PDE3B: variants seen among roughly 807,000 people sequenced by gnomAD.
The protein encoded by PDE3B is phosphodiesterase 3B.
In PDE3B, 66 loss-of-function variants were observed where a neutral mutation model predicts 116.8. That is an observed-to-expected ratio of 0.56 (90% CI 0.46 to 0.69). The LOEUF (loss-of-function observed/expected upper bound fraction) is 0.69, where lower values mean the gene tolerates loss of function less well. PDE3B is among the 30% of genes least tolerant of loss of function. PDE3B has a pLI of 0.00. For missense variants in PDE3B, 1,384 were observed against 1,368.1 expected, an observed-to-expected ratio of 1.01 and a Z score of -0.18; for synonymous variants, 595 against 533.6, an observed-to-expected ratio of 1.12 and a Z score of -1.59.
rs1848145638 is a variant in PDE3B, at chr11:14,871,793, C to T, written c.*2133C>T. 6.6e-6 allele frequency: 1 copy of T among 152,036 alleles called. No individual in the cohort carries two copies. The highest frequency in any genetic ancestry group is 2.1e-4 in the South Asian group (1 of 4,826). The allele number at this position is 152,036 out of a possible 1,614,324, so 9.4% of individuals were successfully genotyped here. A position where few individuals can be genotyped will look rare whatever the true frequency, so the allele number is the denominator to read the frequency against. ...TCTCCCGAGCTGAAACTTAAAAATT[C>T]GTAAGTGTAAGAAAGAATGTGAGAA... On this transcript the variant is annotated 3_prime_UTR_variant, in exon 16 of 16. Transcript: ENST00000282096.
At position 14,849,468 on chromosome 11, in the gene PDE3B, A is replaced by G. The variant is rs1847692174; in HGVS notation, c.2520+5442A>G. ...TAAAACACCAGAAGCAATGGCAACA[A>G]AAGCCAAAATTGACAAATGGGATCT... On this transcript the variant is annotated intron_variant, in intron 12 of 15. Transcript: ENST00000282096. Among the ~76,000 whole-genome samples the G allele has an allele frequency of 2.6e-5, 4 of 152,338 alleles. No individual in the cohort carries two copies. The South Asian group carries it at 6.2e-4, about 24-fold the overall frequency.
chr11:14,743,537 C>T (rs1301364378), intron 1 of PDE3B, among the ~76,000 whole-genome samples: 1 of 152,190 alleles, frequency 6.6e-6, no homozygotes, highest in Non-Finnish European at 1.5e-5. Flanking sequence ...CACTGGGCTC[C>T]CTGGCTTCAA....
the PDE3B span, among the ~76,000 whole-genome samples, chr11:14,889,177 T>C: frequency 3.3e-5 from 5 of 151,950 alleles, no homozygotes; most frequent in African/African-American, 1.2e-4. Flanking sequence ...TTTTTTTTTT[T>C]TTCTGTGAGC....
chr11:14,734,184 A>G (rs903118745), intron 1 of PDE3B, among the ~76,000 whole-genome samples: 1 of 152,106 alleles, frequency 6.6e-6, no homozygotes, highest in Non-Finnish European at 1.5e-5. Flanking sequence ...TGATCCTCCC[A>G]CTTCAGCCTC....
chr11:14,710,410 C>A (rs371822846), intron 1 of PDE3B, among the ~76,000 whole-genome samples: 29 of 152,296 alleles, frequency 1.9e-4, no homozygotes, highest in African/African-American at 6.5e-4. Context: ...CCACCAACCA[C>A]GAGAGAGGTG....
rs202176472 is a variant in PDE3B at position 14,869,415 on chromosome 11, A to G, written c.3140-46A>G. 724 of 1,491,164 alleles carry G rather than the reference A, an allele frequency of 4.9e-4. 4 individuals carry two copies. In the African/African-American group the frequency reaches 8.8e-3, roughly 18 times the overall value. The allele number at this position is 1,491,164 out of a possible 1,614,324, so 92.4% of individuals were successfully genotyped here. A position where few individuals can be genotyped will look rare whatever the true frequency, so the allele number is the denominator to read the frequency against. ...GGCACTTAATATTTGTTGAATGATTAAATCATATTGCTATGATTAGAATAT... is the reference window on the plus strand; with the variant it reads ...GGCACTTAATATTTGTTGAATGATTGAATCATATTGCTATGATTAGAATAT... On this transcript the variant is annotated intron_variant, in intron 15 of 15. Coordinates refer to ENST00000282096, the MANE Select transcript of PDE3B (RefSeq NM_000922.4).
At chr11:14,880,523 T>G in the PDE3B span, 2 of 1,613,542 alleles carry the variant, frequency 1.2e-6, no homozygotes. Context: ...TGAAAATCGG[T>G]GTCTTCATAA....
chr11:14,674,644 T>C (rs1478571296), intron 1 of PDE3B: 2 of 294,604 alleles, frequency 6.8e-6, no homozygotes, highest in Non-Finnish European at 1.3e-5. Context: ...TCTTCTAAAG[T>C]TGCTGTTATT....
chr11:14,853,678 ATTC>A (rs1457474850), intron 12 of PDE3B, among the ~76,000 whole-genome samples: 1 of 152,236 alleles, frequency 6.6e-6, no homozygotes. Context: ...TGGGTCAAGC[ATTC>A]TTCTTCATTC....
At chr11:14,817,401 A>G (rs936705290) in intron 5 of PDE3B, among the ~76,000 whole-genome samples, 1 of 152,250 alleles carries the variant, frequency 6.6e-6, no homozygotes, top group Admixed American at 6.5e-5. Flanking sequence ...AAACCTGCAC[A>G]TTGTGCACAT....
chr11:14,735,846 G>T (rs1400704181), intron 1 of PDE3B, among the ~76,000 whole-genome samples: 1 of 152,108 alleles, frequency 6.6e-6, no homozygotes, highest in African/African-American at 2.4e-5. Context: ...CAAAATCCTT[G>T]ATTGTTATTT....
At chr11:14,708,795 G>C (rs1855610575) in intron 1 of PDE3B, among the ~76,000 whole-genome samples, 2 of 151,714 alleles carry the variant, frequency 1.3e-5, no homozygotes, top group South Asian at 4.3e-4. Context: ...TAGAGAGAGA[G>C]AATGTAGGTG....
At chr11:14,855,088 A>C (rs1847824481) in intron 12 of PDE3B, among the ~76,000 whole-genome samples, 1 of 152,212 alleles carries the variant, frequency 6.6e-6, no homozygotes, top group Non-Finnish European at 1.5e-5. Flanking sequence ...AAATTTTAAA[A>C]ATTCAATATA....
chr11:14,688,113 TTCTCTCTCTCTCTCTC>T (rs35700152), intron 1 of PDE3B, among the ~76,000 whole-genome samples: 3 of 109,880 alleles, frequency 2.7e-5, no homozygotes, highest in East Asian at 5.4e-4. Flanking sequence ...CTCTCTCTCT[TTCTCTCTCTCTCTCTC>T]TCTCTCTCTC....
chr11:14,768,428 C>T (rs926261317), intron 1 of PDE3B, among the ~76,000 whole-genome samples: 7 of 151,460 alleles, frequency 4.6e-5, no homozygotes, highest in African/African-American at 9.7e-5. Flanking sequence ...ATAAGCATAT[C>T]GCAATGTGTA....
At chr11:14,879,085 A>G in the PDE3B span, 3 of 1,546,736 alleles carry the variant, frequency 1.9e-6, no homozygotes, top group Admixed American at 1.7e-5. Context: ...CCTTTATTCT[A>G]AAGTTACGCC....
intron 1 of PDE3B, among the ~76,000 whole-genome samples, chr11:14,733,993 G>A (rs569973187): frequency 1.3e-5 from 2 of 152,284 alleles, no homozygotes; most frequent in South Asian, 2.1e-4. Flanking sequence ...AGTACCATCC[G>A]ACTAAAAACA....
chr11:14,790,230 A>G (rs1166324905), intron 4 of PDE3B, among the ~76,000 whole-genome samples: 1 of 151,976 alleles, frequency 6.6e-6, no homozygotes, highest in Non-Finnish European at 1.5e-5. Context: ...GAAAAATTGA[A>G]TGAAGTGATG....
intron 5 of PDE3B, among the ~76,000 whole-genome samples, chr11:14,811,635 G>A (rs534905769): frequency 1.3e-5 from 2 of 152,074 alleles, no homozygotes; most frequent in South Asian, 4.2e-4. Context: ...CTCTTTTTTG[G>A]TTCCATATGA....
Sources: allele counts gnomAD v4.1 joint callset (sites outside exome capture counted in the v4.1 genomes callset), GRCh38; gene constraint gnomAD v4.1.1; transcripts MANE v1.5; gene names NCBI Gene and HGNC (gene_info 2026-07-23, HGNC 2026-07-21).